The following ZBTB37 variants were observed in gnomAD, a reference collection of about 807,000 sequenced individuals.
ZBTB37 encodes zinc finger and BTB domain containing 37.
In ZBTB37, 15 loss-of-function variants were observed where a neutral mutation model predicts 37.7. That is an observed-to-expected ratio of 0.40 (90% CI 0.27 to 0.61). The LOEUF is 0.61. Ranked by LOEUF, ZBTB37 falls within the 20% of genes least tolerant of loss-of-function variation. The pLI is 0.44. For missense variants in ZBTB37, 514 were observed against 641.9 expected (o/e 0.80, Z 2.15); for synonymous variants, 231 against 220.6 (o/e 1.05, Z -0.42).
At chr1:173,887,669 T>G (rs1656683757), downstream of ZBTB37, 1 of 152,210 alleles carries the variant, frequency 6.6e-6, no homozygotes, top group Non-Finnish European at 1.5e-5. Context: ...CAGTGCAAGT[T>G]GAAAAATCTC....
intron 4 of ZBTB37, among the ~76,000 whole-genome samples, chr1:173,884,066 G>A (rs190904867): frequency 1.0e-3 from 155 of 151,822 alleles, no homozygotes; most frequent in African/African-American, 3.2e-3. Flanking sequence ...TCAGAAGTCA[G>A]TCATTATTAA....
exon 4 of ZBTB37, chr1:173,896,265 A>T (rs1341801147): frequency 6.6e-6 from 1 of 152,218 alleles, no homozygotes; most frequent in African/African-American, 2.4e-5. Context: ...ATGTTAAGGG[A>T]CAAATTTTAA....
At chr1:173,879,203 A>G (rs570218000) in intron 4 of ZBTB37, among the ~76,000 whole-genome samples, 5 of 152,218 alleles carry the variant, frequency 3.3e-5, no homozygotes, top group African/African-American at 9.6e-5. Context: ...AAGATGAGGT[A>G]GGTTTAATCC....
chr1:173,878,038 G>A (rs1000907127), intron 4 of ZBTB37, among the ~76,000 whole-genome samples: 4 of 152,152 alleles, frequency 2.6e-5, no homozygotes, highest in Admixed American at 2.6e-4. Context: ...AGCATTCACT[G>A]TCTCAAACAG....
At chr1:173,875,501 T>A (rs946657470) in intron 4 of ZBTB37, among the ~76,000 whole-genome samples, 2 of 151,718 alleles carry the variant, frequency 1.3e-5, no homozygotes, top group Non-Finnish European at 2.9e-5. Context: ...AATTTTTGTA[T>A]TTTTAGTAGA....
chr1:173,885,958 G>A (rs1397528699), exon 5 of ZBTB37: 3 of 1,551,688 alleles, frequency 1.9e-6, no homozygotes, highest in Admixed American at 2.0e-5. Context: ...CAGCACTTTC[G>A]CAAAAACCAC....
rs142238228 is a variant in ZBTB37, at chr1:173,874,866, A to G, written c.1023+1300A>G. ...TTATTAGTAGACAGCCTGACTTGTT[A>G]TGTAAAAAATGCAAAGTTAAATACT... On this transcript the variant is annotated intron_variant, in intron 4 of 4. Coordinates refer to ENST00000427304, the Ensembl canonical transcript of ZBTB37. 2.7e-3 allele frequency among the ~76,000 whole-genome samples: 405 copies of G among 152,320 alleles called. 4 individuals are homozygous for G. The highest frequency in any genetic ancestry group is 9.4e-3 in the African/African-American group (392 of 41,572).
At chr1:173,891,114 T>G (rs1166997235), downstream of ZBTB37, 1 of 152,216 alleles carries the variant, frequency 6.6e-6, no homozygotes, top group Admixed American at 6.5e-5. Flanking sequence ...TTAAAAGCAT[T>G]TAGAATTGGC....
chr1:173,876,865 C>T (rs1655999992), intron 4 of ZBTB37, among the ~76,000 whole-genome samples: 1 of 152,052 alleles, frequency 6.6e-6, no homozygotes, highest in African/African-American at 2.4e-5. Flanking sequence ...CTGAGAAATG[C>T]TAGACCATTT....
At chr1:173,882,037 G>C (rs1656343397) in intron 4 of ZBTB37, among the ~76,000 whole-genome samples, 1 of 151,402 alleles carries the variant, frequency 6.6e-6, no homozygotes, top group Non-Finnish European at 1.5e-5. Context: ...CTGGGTGACA[G>C]AGGAAGACTC....
rs188282970 is a variant in ZBTB37 at position 173,868,378 on chromosome 1, C to A, written c.-253C>A. 2.5e-3 allele frequency: 385 copies of A among 153,424 alleles called. 4 individuals are homozygous for A. Among genetic ancestry groups the A allele is most frequent in the Non-Finnish European group, 3.8e-3 (260 of 68,654 alleles). The allele number at this position is 153,424 out of a possible 1,614,324, so 9.5% of individuals were successfully genotyped here. On this transcript the variant is annotated 5_prime_UTR_variant, in exon 1 of 5. Transcript: ENST00000427304. ...TTCACTTCCGGGACGGTGTTCCGGC[C>A]CATTCCGGCCCATTTCCACCCCCGG...
chr1:173,884,338 T>C (rs758611234), intron 4 of ZBTB37, among the ~76,000 whole-genome samples: 3 of 152,062 alleles, frequency 2.0e-5, no homozygotes, highest in Non-Finnish European at 4.4e-5. Flanking sequence ...TGTTATTTTT[T>C]GTACAGGTGG....
At chr1:173,869,107 C>A (rs1219268182) in exon 2 of ZBTB37, 1 of 152,556 alleles carries the variant, frequency 6.6e-6, no homozygotes, top group Non-Finnish European at 1.5e-5. Flanking sequence ...CAAACAATAA[C>A]GCTTTGGAAA....
intron 3 of ZBTB37, among the ~76,000 whole-genome samples, 174 bp downstream of exon 3, chr1:173,871,322 A>G (rs1557882619): frequency 6.6e-6 from 1 of 152,244 alleles, no homozygotes; most frequent in Non-Finnish European, 1.5e-5. Context: ...TTTTTAAACC[A>G]GGAAGCTCCA....
chr1:173,887,505 A>T (rs999319889), downstream of ZBTB37: 9 of 152,288 alleles, frequency 5.9e-5, no homozygotes, highest in Non-Finnish European at 1.0e-4. Flanking sequence ...ACTTCAAGGG[A>T]CCCTTTTAGT....
chr1:173,898,953 G>C (rs1317081347), exon 4 of ZBTB37: 2 of 152,210 alleles, frequency 1.3e-5, no homozygotes, highest in African/African-American at 4.8e-5. Flanking sequence ...ATGAGAGAGT[G>C]ACCCATTTTC....
chr1:173,870,047 C>T (rs1039441902), intron 2 of ZBTB37, 153 bp from the exon 3 acceptor site: 1 of 561,960 alleles, frequency 1.8e-6, no homozygotes, highest in Admixed American at 3.7e-5. Flanking sequence ...GTTGGTGATT[C>T]TGTTTCCACA....
chr1:173,893,998 G>A (rs1203243747), exon 4 of ZBTB37: 2 of 152,214 alleles, frequency 1.3e-5, no homozygotes, highest in South Asian at 2.1e-4. Context: ...AGTTGAAGTT[G>A]ACTGGAATAT....
At position 173,881,872 on chromosome 1, in the gene ZBTB37, G is replaced by A. The variant is rs1324745946; in HGVS notation, c.1024-3764G>A. Among the ~76,000 whole-genome samples, 5 of 152,142 alleles carry A rather than the reference G, an allele frequency of 3.3e-5. No individual in the cohort carries two copies. In the East Asian group the frequency reaches 9.7e-4, roughly 29 times the overall value. On this transcript the variant is annotated intron_variant, in intron 4 of 4. Coordinates refer to ENST00000427304, the Ensembl canonical transcript of ZBTB37. ...GATCAAGACCATCCTGGCTAACACGGTGAAACCCTGTCTCTACTAAAAACA... is the reference window on the plus strand; with the variant it reads ...GATCAAGACCATCCTGGCTAACACGATGAAACCCTGTCTCTACTAAAAACA...
Sources: gnomAD v4.1 joint callset for allele counts (sites outside exome capture counted in the v4.1 genomes callset) on GRCh38, gnomAD v4.1.1 for gene constraint, MANE v1.5 for transcripts, NCBI Gene and HGNC (gene_info 2026-07-23, HGNC 2026-07-21) for gene names.